The following ZNF217 variants were observed in gnomAD, a reference collection of about 807,000 sequenced individuals.
ZNF217 encodes the protein zinc finger protein 217.
In ZNF217, 12 loss-of-function variants were observed where a neutral mutation model predicts 73.3. That is an observed-to-expected ratio of 0.16 (90% CI 0.10 to 0.27). The LOEUF is 0.27. ZNF217 is among the 10% of genes least tolerant of loss of function. The pLI is 1.00. For missense variants in ZNF217, 1,195 were observed against 1,327.8 expected (o/e 0.90, Z 1.55); for synonymous variants, 588 against 516.4 (o/e 1.14, Z -1.88).
intron 1 of ZNF217, among the ~76,000 whole-genome samples, chr20:53,589,781 G>A (rs1244519753): frequency 2.0e-5 from 3 of 152,102 alleles, no homozygotes; most frequent in Non-Finnish European, 4.4e-5. Flanking sequence ...CCTCTAAAAT[G>A]AGGCCATTAA....
intron 4 of ZNF217, among the ~76,000 whole-genome samples, chr20:53,573,733 A>T (rs1408369116): frequency 6.6e-6 from 1 of 152,180 alleles, no homozygotes; most frequent in Non-Finnish European, 1.5e-5. Flanking sequence ...TACTGGGATT[A>T]CAGATGTGAG....
chr20:53,569,611 T>G (rs981354911), intron 5 of ZNF217, among the ~76,000 whole-genome samples: 1 of 152,228 alleles, frequency 6.6e-6, no homozygotes, highest in African/African-American at 2.4e-5. Context: ...CTTGAACTCC[T>G]GACTTCAAGT....
intron 1 of ZNF217, among the ~76,000 whole-genome samples, chr20:53,584,267 T>C (rs960788257): frequency 1.3e-5 from 2 of 152,182 alleles, no homozygotes; most frequent in Admixed American, 1.3e-4. Flanking sequence ...GCATGCAAAC[T>C]ACTCCCAGCA....
Position 53,589,950 on chromosome 20 carries a change from C to T in ZNF217, c.-343+3806G>A, listed in dbSNP as rs571098204. Among the ~76,000 whole-genome samples, 112 of 141,636 alleles carry T rather than the reference C, an allele frequency of 7.9e-4. No homozygotes were observed. The Middle Eastern group carries it at 0.022, about 27-fold the overall frequency. The allele number at this position is 141,636 out of a possible 152,430, so 92.9% of individuals were successfully genotyped here. A position where few individuals can be genotyped will look rare whatever the true frequency, so the allele number is the denominator to read the frequency against. ...GGTGTGCGGATCAAGACCCCCCCGC[C>T]CGCCATTGTCTCAAGTTTAATTTAC... On this transcript the variant is annotated intron_variant, in intron 1 of 5. Transcript: ENST00000371471.
In ZNF217 at chr20:53,581,527, C is replaced by A; in HGVS notation, c.1300G>T (p.Val434Leu). Residue 434 changes from valine (V) to leucine (L), a missense_variant, in exon 2 of 6, where the codon GTG (valine) becomes TTG (leucine). Around this residue, in one of 9 missense-constraint regions of ZNF217, gnomAD observed 116 missense variants for 121.9 expected, o/e 0.95. Transcript: ENST00000371471. The surrounding 1 kb of genome is among the most constrained non-coding windows in gnomAD (Gnocchi z 4.9). ...TCAGAACCACCTTCCCCTCGATCCA[C>A]GGCTCCATTTTCATCCAGAGGGGCG... ...LAAPLDENGA[V>L]DRGEGGSEDG... is the part of the protein sequence containing the mutation. 2 of 1,614,192 alleles carry A rather than the reference C, an allele frequency of 1.2e-6. No individual in the cohort carries two copies. Among genetic ancestry groups the A allele is most frequent in the Non-Finnish European group, 1.7e-6 (2 of 1,180,012 alleles).
At position 53,581,922 on chromosome 20, in the gene ZNF217, G is replaced by A. The variant is rs1988516883; in HGVS notation, c.905C>T (p.Ala302Val). The A allele has an allele frequency of 6.2e-7, 1 of 1,614,092 alleles. No individual in the cohort carries two copies. The highest frequency in any genetic ancestry group is 1.3e-5 in the African/African-American group (1 of 74,932). ...PFTTFQAWQL[A>V]TKGKVAICQE... Reference sequence around the variant, plus strand: ...GCAAATGGCAACTTTTCCTTTGGTAGCCAGCTGCCAAGCCTGGAAGGTGGT... The same window carrying A: ...GCAAATGGCAACTTTTCCTTTGGTAACCAGCTGCCAAGCCTGGAAGGTGGT... The change falls in exon 2 of 6, where the codon GCT (alanine) becomes GTT (valine). Residue 302 changes from alanine (A) to valine (V), a missense_variant. This residue lies in a region of ZNF217 where 11 missense variants were observed against 30.5 expected (regional missense o/e 0.36). Transcript: ENST00000371471. The surrounding 1 kb of genome is among the most constrained non-coding windows in gnomAD (Gnocchi z 4.9).
chr20:53,579,732 G>A (rs942533656), intron 2 of ZNF217, among the ~76,000 whole-genome samples: 7 of 152,246 alleles, frequency 4.6e-5, no homozygotes, highest in Admixed American at 3.9e-4. Context: ...TTAAAGGACT[G>A]TGATCTTTTT....
chr20:53,576,221 G>C lies in ZNF217; in HGVS notation c.2543C>G (p.Ser848Cys). The change falls in exon 4 of 6, where the codon TCC becomes TGC. Residue 848 changes from serine to cysteine, a missense_variant. Ser to Cys is a moderately radical substitution (Grantham distance 112, BLOSUM62 -1). This residue lies in a region of ZNF217 where 649 missense variants were observed against 642.8 expected (regional missense o/e 1.01). Transcript: ENST00000371471. ...TCTTTTTGTCTTATCCGGTGCAGGG[G>C]AAACACTGGTTTTAGGAAACATCTC... ...QSEMFPKTSV[S>C]PAPDKTKRPE... The C allele has an allele frequency of 6.2e-7, 1 of 1,614,224 alleles. No homozygotes were observed. The highest frequency in any genetic ancestry group is 8.5e-7 in the Non-Finnish European group (1 of 1,180,040).
Position 53,569,151 on chromosome 20 carries a change from A to G in ZNF217, c.*137T>C, listed in dbSNP as rs1987877233. ...GTAGTGTTCCTTGCAGATTCCTCAT[A>G]TGTTTTATGTACAGTACAATCACAG... On this transcript the variant is annotated 3_prime_UTR_variant, in exon 6 of 6. Transcript: ENST00000371471. The G allele has an allele frequency of 1.5e-6, 2 of 1,341,728 alleles. No homozygotes were observed. Among genetic ancestry groups the G allele is most frequent in the Non-Finnish European group, 2.0e-6 (2 of 1,009,960 alleles). The allele number at this position is 1,341,728 out of a possible 1,614,324, so 83.1% of individuals were successfully genotyped here. A position where few individuals can be genotyped will look rare whatever the true frequency, so the allele number is the denominator to read the frequency against.
At chr20:53,585,665 G>A (rs1988669922) in intron 1 of ZNF217, among the ~76,000 whole-genome samples, 1 of 152,088 alleles carries the variant, frequency 6.6e-6, no homozygotes, top group Non-Finnish European at 1.5e-5. Context: ...AATTATCTGG[G>A]TTAAAGAAGT....
chr20:53,569,219 G>A lies in ZNF217; in HGVS notation c.*69C>T. 1 of 1,351,192 alleles carries A rather than the reference G, an allele frequency of 7.4e-7. No homozygotes were observed. The highest frequency in any genetic ancestry group is 2.0e-5 in the Admixed American group (1 of 49,966). 83.7% of individuals were successfully genotyped at this position (1,351,192 alleles called of 1,614,324 possible). A position where few individuals can be genotyped will look rare whatever the true frequency, so the allele number is the denominator to read the frequency against. Reference sequence around the variant, plus strand: ...CACCATTCGCTTCTCAAAGGATGAAGTAAAATTTAATTTCATGGGGAGTAA... The same window carrying A: ...CACCATTCGCTTCTCAAAGGATGAAATAAAATTTAATTTCATGGGGAGTAA... On this transcript the variant is annotated 3_prime_UTR_variant, in exon 6 of 6. Transcript: ENST00000371471.
chr20:53,573,289 A>C (rs1219522637), intron 4 of ZNF217, among the ~76,000 whole-genome samples: 1 of 151,956 alleles, frequency 6.6e-6, no homozygotes, highest in African/African-American at 2.4e-5. Flanking sequence ...ACACCCAGCT[A>C]ATTTTGTATT....
upstream of ZNF217, among the ~76,000 whole-genome samples, chr20:53,594,233 C>T (rs915443838): frequency 5.9e-5 from 9 of 151,792 alleles, no homozygotes; most frequent in East Asian, 1.8e-3. Context: ...GGGCGCGGCG[C>T]GTCCGGCGCT....
In ZNF217 at chr20:53,571,721, CT is replaced by C. The variant is rs764917995; in HGVS notation, c.*22del. 9.3e-6 allele frequency: 15 copies of C among 1,606,666 alleles called. No individual in the cohort carries two copies. Among genetic ancestry groups the C allele is most frequent in the Admixed American group, 8.6e-5 (5 of 58,252 alleles). On this transcript the variant is annotated splice_region_variant and 3_prime_UTR_variant, in exon 5 of 6. Transcript: ENST00000371471. ...GTTTTTAATTGAAACATATGCTCAC[CT>C]TTTTTCCCCCTAATTAGTGAATCAA...
intron 5 of ZNF217, among the ~76,000 whole-genome samples, chr20:53,571,066 T>A (rs1052362220): frequency 6.6e-6 from 1 of 152,206 alleles, no homozygotes; most frequent in Non-Finnish European, 1.5e-5. Context: ...ACAGACAATA[T>A]GTAACAGATG....
At position 53,581,717 on chromosome 20, in the gene ZNF217, G is replaced by C; in HGVS notation, c.1110C>G (p.Ser370Arg). The C allele has an allele frequency of 6.2e-7, 1 of 1,614,246 alleles. No homozygotes were observed. The highest frequency in any genetic ancestry group is 8.5e-7 in the Non-Finnish European group (1 of 1,180,046). The change falls in exon 2 of 6, where the codon AGC becomes AGG. Residue 370 changes from serine to arginine, a missense_variant. Ser to Arg is a moderately radical substitution (Grantham distance 110). Transcript: ENST00000371471. The surrounding 1 kb of genome is among the most constrained non-coding windows in gnomAD (Gnocchi z 4.9). ...CGGAGCAGTGAGTGGGCTTCTCCTT[G>C]CTACTGGGTAACTTGGGATCCGCGT... ...SVDADPKLPS[S>R]KEKPTHCSEC...
intron 1 of ZNF217, among the ~76,000 whole-genome samples, chr20:53,592,960 T>C (rs1988933558): frequency 6.6e-6 from 1 of 151,846 alleles, no homozygotes; most frequent in Non-Finnish European, 1.5e-5. Context: ...CCACTAGAAT[T>C]GAGTTGTAAA....
rs139287977 is a variant in ZNF217, at chr20:53,581,748, G to A, written c.1079C>T (p.Ser360Phe). 1.1e-5 allele frequency: 18 copies of A among 1,614,274 alleles called. No homozygotes were observed. The highest frequency in any genetic ancestry group is 5.0e-5 in the Admixed American group (3 of 60,036). Residue 360 changes from serine to phenylalanine, a missense_variant, in exon 2 of 6, where the codon TCC becomes TTC. Around this residue, in one of 9 missense-constraint regions of ZNF217, gnomAD observed 102 missense variants for 91.9 expected, o/e 1.11. Transcript: ENST00000371471. This position sits in a 1 kb window ranked among gnomAD's most constrained non-coding sequence, Gnocchi z 4.9. ...GGGTAACTTGGGATCCGCGTCCACGGAGGGCGCTTCGCCGTGGGAGTGTTT... is the reference window on the plus strand; with the variant it reads ...GGGTAACTTGGGATCCGCGTCCACGAAGGGCGCTTCGCCGTGGGAGTGTTT... The part of the protein sequence containing the change: ...KCKHSHGEAP[S>F]VDADPKLPSS...
chr20:53,576,562 T>C lies in ZNF217; in HGVS notation c.2202A>G (p.Lys734=), dbSNP rs1988280801. 1 of 1,614,126 alleles carries C rather than the reference T, an allele frequency of 6.2e-7. No individual in the cohort carries two copies. The highest frequency in any genetic ancestry group is 8.5e-7 in the Non-Finnish European group (1 of 1,180,054). Residue 734 remains lysine (K), a synonymous_variant, in exon 4 of 6, where the codon AAA becomes AAG. Coordinates refer to ENST00000371471, the MANE Select transcript of ZNF217 (RefSeq NM_006526.3). ...VLMMHQRLEH[K]YNPDVHKNCR... Reference sequence around the variant, plus strand: ...AGTTTTTATGAACGTCAGGATTGTATTTATGCTCCAGTCTCTGGTGCATCA... The same window carrying C: ...AGTTTTTATGAACGTCAGGATTGTACTTATGCTCCAGTCTCTGGTGCATCA...
Sources: allele counts gnomAD v4.1 joint callset (sites outside exome capture counted in the v4.1 genomes callset), GRCh38; gene constraint gnomAD v4.1.1; regional missense constraint gnomAD v4.1.1; non-coding constraint Gnocchi (gnomAD v3.1); transcripts MANE v1.5; gene names NCBI Gene and HGNC (gene_info 2026-07-23, HGNC 2026-07-21).